CNOT8: variants seen among roughly 807,000 people sequenced by gnomAD.
CNOT8 encodes CCR4-NOT transcription complex subunit 8.
CNOT8 carries 18 observed loss-of-function variants against 34.6 expected under a neutral mutation model. The ratio of observed to expected loss-of-function variants is 0.52; its 90% CI spans 0.36 to 0.77. CNOT8 has a LOEUF of 0.77. CNOT8 is among the 30% of genes least tolerant of loss of function. The probability of loss-of-function intolerance (pLI) is 0.00; values close to 1 mark genes in which losing one functional copy is unlikely to be tolerated. For synonymous variants in CNOT8, 101 were observed against 118.8 expected (o/e 0.85, Z 0.98); for missense variants, 189 against 347.9 (o/e 0.54, Z 3.63).
chr5:154,867,702 G>A (rs941447748), intron 3 of CNOT8: 9 of 279,656 alleles, frequency 3.2e-5, no homozygotes, highest in Non-Finnish European at 5.7e-5. Context: ...ATATAAGAAA[G>A]AAAAAGTCAA....
intron 3 of CNOT8, among the ~76,000 whole-genome samples, chr5:154,869,818 T>C (rs1487332274): frequency 6.6e-6 from 1 of 151,924 alleles, no homozygotes; most frequent in Non-Finnish European, 1.5e-5. Flanking sequence ...AGAGAGAGGG[T>C]TTCACCACGT....
At chr5:154,873,109 C>T (rs1348239803) in intron 6 of CNOT8, among the ~76,000 whole-genome samples, 1 of 151,736 alleles carries the variant, frequency 6.6e-6, no homozygotes, top group Non-Finnish European at 1.5e-5. Context: ...TTTCACTATG[C>T]TGGCCAGGCT....
At position 154,875,513 on chromosome 5, in the gene CNOT8, C is replaced by T; in HGVS notation, c.*74C>T. The stretch of plus-strand genomic sequence containing the variant: ...GTGCTGACTGTGTACTTATCTTCCC[C>T]AAGAGAAAATGCTTCTTTTGAGCAC... On this transcript the variant is annotated 3_prime_UTR_variant, in exon 7 of 7. Coordinates refer to ENST00000285896, the MANE Select transcript of CNOT8 (RefSeq NM_001301073.2). The T allele has an allele frequency of 6.5e-7, 1 of 1,532,182 alleles. No individual in the cohort carries two copies. Among genetic ancestry groups the T allele is most frequent in the East Asian group, 2.3e-5 (1 of 43,762 alleles). 94.9% of individuals were successfully genotyped at this position (1,532,182 alleles called of 1,614,324 possible).
At chr5:154,862,156 G>T (rs1761409029) in intron 1 of CNOT8, among the ~76,000 whole-genome samples, 1 of 152,146 alleles carries the variant, frequency 6.6e-6, no homozygotes, top group Admixed American at 6.5e-5. Context: ...GTTTCTGGTT[G>T]AATGATTTAC....
At chr5:154,862,038 A>T (rs1287090484) in intron 1 of CNOT8, among the ~76,000 whole-genome samples, 1 of 152,236 alleles carries the variant, frequency 6.6e-6, no homozygotes, top group Admixed American at 6.5e-5. Flanking sequence ...GTTGTTTGCC[A>T]TAATAATAAC....
chr5:154,866,488 C>G (rs766644098), intron 3 of CNOT8, among the ~76,000 whole-genome samples: 2 of 152,116 alleles, frequency 1.3e-5, no homozygotes, highest in African/African-American at 2.4e-5. Flanking sequence ...CTGGATCTTT[C>G]CTTTAACTGC....
At chr5:154,864,218 T>G (rs995644340) in intron 2 of CNOT8, among the ~76,000 whole-genome samples, 61 of 152,256 alleles carry the variant, frequency 4.0e-4, no homozygotes, top group Admixed American at 4.6e-4. Context: ...CCCAGCACTT[T>G]GGGAGGCCGA....
At chr5:154,860,198 G>A (rs1761190968) in intron 1 of CNOT8, among the ~76,000 whole-genome samples, 1 of 152,164 alleles carries the variant, frequency 6.6e-6, no homozygotes, top group Non-Finnish European at 1.5e-5. Flanking sequence ...TGCTTGCCCT[G>A]AGGAGGCTTA....
chr5:154,871,921 A>G, intron 5 of CNOT8, 47 bp downstream of exon 5: 1 of 1,556,086 alleles, frequency 6.4e-7, no homozygotes. Flanking sequence ...AAGGACAGAA[A>G]AAAAGCTGAC....
intron 6 of CNOT8, 37 bp from the exon 7 acceptor site, chr5:154,875,253 C>G (rs1450611529): frequency 1.2e-6 from 2 of 1,608,320 alleles, no homozygotes; most frequent in South Asian, 2.2e-5. Context: ...TGACTTCTAG[C>G]ATAACTCTCA....
chr5:154,876,415 A>G lies in CNOT8; in HGVS notation c.*976A>G, dbSNP rs1163729747. 6.6e-6 allele frequency: 1 copy of G among 152,210 alleles called. No homozygotes were observed. The highest frequency in any genetic ancestry group is 2.4e-5 in the African/African-American group (1 of 41,446). The allele number at this position is 152,210 out of a possible 1,614,324, so 9.4% of individuals were successfully genotyped here. A position where few individuals can be genotyped will look rare whatever the true frequency, so the allele number is the denominator to read the frequency against. ...GTGAGTAACAGGAATGTGTCTTTAA[A>G]AAGCTAGAGTGGTTACATTTAATCA... On this transcript the variant is annotated 3_prime_UTR_variant, in exon 7 of 7. Coordinates refer to ENST00000285896, the MANE Select transcript of CNOT8 (RefSeq NM_001301073.2).
At chr5:154,859,818 C>T (rs1422662269) in intron 1 of CNOT8, 2 of 152,218 alleles carry the variant, frequency 1.3e-5, no homozygotes, top group African/African-American at 2.4e-5. Flanking sequence ...CGGGAGCGAT[C>T]TGAACATACT....
Position 154,875,426 on chromosome 5 carries a change from A to C in CNOT8, c.866A>C (p.Asn289Thr). 1 of 1,613,744 alleles carries C rather than the reference A, an allele frequency of 6.2e-7. No individual in the cohort carries two copies. The highest frequency in any genetic ancestry group is 8.5e-7 in the Non-Finnish European group (1 of 1,179,998). The change falls in exon 7 of 7, where the codon AAC (asparagine) becomes ACC (threonine). Residue 289 changes from asparagine to threonine, a missense_variant. Coordinates refer to ENST00000285896, the MANE Select transcript of CNOT8 (RefSeq NM_001301073.2). ...EKMSILAIIN[N>T]MQQ Reference sequence around the variant, plus strand: ...ATGAGCATCCTGGCGATTATCAACAACATGCAGCAGTGATGGCGCCAGGCT... The same window carrying C: ...ATGAGCATCCTGGCGATTATCAACACCATGCAGCAGTGATGGCGCCAGGCT...
Position 154,870,847 on chromosome 5 carries a change from C to A in CNOT8, c.473+25C>A, listed in dbSNP as rs2113370436. On this transcript the variant is annotated intron_variant, in intron 4 of 6. Coordinates refer to ENST00000285896, the MANE Select transcript of CNOT8 (RefSeq NM_001301073.2). The stretch of plus-strand genomic sequence containing the variant: ...GGTCAGTCCTAGGGAATGTGTATTT[C>A]TCTCTCACTTTGGGCTACACTGAAG... 2.5e-6 allele frequency: 4 copies of A among 1,580,896 alleles called. No individual in the cohort carries two copies. The African/African-American group carries it at 5.4e-5, about 21-fold the overall frequency.
intron 3 of CNOT8, among the ~76,000 whole-genome samples, chr5:154,866,901 A>C (rs1235639717): frequency 1.3e-5 from 2 of 152,176 alleles, no homozygotes; most frequent in African/African-American, 4.8e-5. Flanking sequence ...TGACAGAATG[A>C]GACTCTGCCT....
At chr5:154,864,056 G>A (rs751213653) in intron 2 of CNOT8, among the ~76,000 whole-genome samples, 5 of 152,054 alleles carry the variant, frequency 3.3e-5, no homozygotes, top group Admixed American at 6.6e-5. Flanking sequence ...TCCTGTAGAC[G>A]GGCATGTGCT....
At chr5:154,864,413 G>A (rs1039532112) in intron 2 of CNOT8, among the ~76,000 whole-genome samples, 8 of 151,750 alleles carry the variant, frequency 5.3e-5, no homozygotes, top group African/African-American at 1.5e-4. Flanking sequence ...AGCCGAGATC[G>A]TGCCACTGCA....
intron 3 of CNOT8, among the ~76,000 whole-genome samples, chr5:154,869,105 A>G (rs1037586217): frequency 1.1e-4 from 16 of 151,450 alleles, no homozygotes; most frequent in Non-Finnish European, 1.9e-4. Flanking sequence ...TCTGTGCCTC[A>G]ATATTTTTTT....
intron 6 of CNOT8, 77 bp from the exon 7 acceptor site, chr5:154,875,213 G>A (rs1043918289): frequency 1.9e-5 from 28 of 1,511,498 alleles, no homozygotes; most frequent in Middle Eastern, 1.7e-4. Flanking sequence ...CATTGCACCC[G>A]GCCAGATGTG....
Sources: allele counts gnomAD v4.1 joint callset (sites outside exome capture counted in the v4.1 genomes callset), GRCh38; gene constraint gnomAD v4.1.1; transcripts MANE v1.5; gene names NCBI Gene and HGNC (gene_info 2026-07-23, HGNC 2026-07-21).